The following PPP1R14A variants were observed in gnomAD, a reference collection of about 807,000 sequenced individuals.
PPP1R14A encodes protein phosphatase 1 regulatory inhibitor subunit 14A.
A neutral mutation model predicts 14.1 loss-of-function variants in PPP1R14A; 9 were observed. The ratio of observed to expected loss-of-function variants is 0.64; its 90% CI spans 0.38 to 1.11. The LOEUF (loss-of-function observed/expected upper bound fraction) is 1.11, where lower values mean the gene tolerates loss of function less well. Among genes scored for constraint, PPP1R14A ranks in the 50% most tolerant of loss-of-function variants. The pLI is 0.01. For synonymous variants in PPP1R14A, 93 were observed against 88.7 expected, an observed-to-expected ratio of 1.05 and a Z score of -0.27; for missense variants, 208 against 200.7, an observed-to-expected ratio of 1.04 and a Z score of -0.22.
At chr19:38,255,839 C>T (rs1227451696) in intron 1 of PPP1R14A, among the ~76,000 whole-genome samples, 1 of 152,056 alleles carries the variant, frequency 6.6e-6, no homozygotes, top group Non-Finnish European at 1.5e-5. Flanking sequence ...CCAGACGTGG[C>T]GGTTTCAGCT....
Position 38,252,300 on chromosome 19 carries a change from AC to A in PPP1R14A, c.315+5del. Reference sequence around the variant, plus strand: ...ACAGGGAGAGAATGAGGGAGAGAAAACTCACCTCGACAGGTTTCCCACATGA... The same window carrying A: ...ACAGGGAGAGAATGAGGGAGAGAAAATCACCTCGACAGGTTTCCCACATGA... On this transcript the variant is annotated splice_donor_5th_base_variant and intron_variant, in intron 3 of 3. Transcript: ENST00000301242. The surrounding 1 kb of genome is among the most constrained non-coding windows in gnomAD (Gnocchi z 4.1). The A allele has an allele frequency of 6.2e-7, 1 of 1,610,938 alleles. No homozygotes were observed. Among genetic ancestry groups the A allele is most frequent in the Non-Finnish European group, 8.5e-7 (1 of 1,178,772 alleles).
Position 38,256,368 on chromosome 19 carries a change from G to T in PPP1R14A, c.-29C>A. On this transcript the variant is annotated 5_prime_UTR_variant, in exon 1 of 4. Transcript: ENST00000301242. This position sits in a 1 kb window ranked among gnomAD's most constrained non-coding sequence, Gnocchi z 5.7. The stretch of plus-strand genomic sequence containing the variant: ...GCTGCTGGACCCAGCCTGGCCCCGC[G>T]CTGTGCGCCTTCGCCTCGCGCCCCG... 1 of 1,394,360 alleles carries T rather than the reference G, an allele frequency of 7.2e-7. No individual in the cohort carries two copies. Among genetic ancestry groups the T allele is most frequent in the Non-Finnish European group, 9.2e-7 (1 of 1,081,586 alleles). 86.4% of individuals were successfully genotyped at this position (1,394,360 alleles called of 1,614,324 possible).
At chr19:38,254,870 C>T (rs568776960) in intron 1 of PPP1R14A, among the ~76,000 whole-genome samples, 11 of 148,644 alleles carry the variant, frequency 7.4e-5, no homozygotes, top group South Asian at 4.3e-4. Flanking sequence ...CTCGGCTCAC[C>T]GCAACCTCCT....
At position 38,256,119 on chromosome 19, in the gene PPP1R14A, C is replaced by T; in HGVS notation, c.201+20G>A. The T allele has an allele frequency of 2.0e-6, 3 of 1,533,208 alleles. No homozygotes were observed. The highest frequency in any genetic ancestry group is 1.7e-6 in the Non-Finnish European group (2 of 1,144,610). The allele number at this position is 1,533,208 out of a possible 1,614,324, so 95.0% of individuals were successfully genotyped here. The stretch of plus-strand genomic sequence containing the variant: ...GGCTCTATCTGTCCCCGACCACCCC[C>T]GAGCCCTCCCCGGGCTCACCATGCC... On this transcript the variant is annotated intron_variant, in intron 1 of 3. Transcript: ENST00000301242. The surrounding 1 kb of genome is among the most constrained non-coding windows in gnomAD (Gnocchi z 5.7).
intron 1 of PPP1R14A, among the ~76,000 whole-genome samples, chr19:38,253,955 T>C (rs1329424375): frequency 2.6e-5 from 4 of 152,172 alleles, no homozygotes; most frequent in Admixed American, 2.6e-4. Flanking sequence ...GTGTGACACA[T>C]CAGCATGTGT....
At chr19:38,255,344 G>T (rs1968235069) in intron 1 of PPP1R14A, among the ~76,000 whole-genome samples, 1 of 152,154 alleles carries the variant, frequency 6.6e-6, no homozygotes. Flanking sequence ...GCCCAGGCTG[G>T]TGTTGAACTC....
intron 1 of PPP1R14A, among the ~76,000 whole-genome samples, chr19:38,255,416 A>T (rs1411799628): frequency 6.6e-6 from 1 of 152,154 alleles, no homozygotes; most frequent in Non-Finnish European, 1.5e-5. Flanking sequence ...GTGCTGGGCC[A>T]ATTTCTGTTG....
intron 1 of PPP1R14A, among the ~76,000 whole-genome samples, chr19:38,255,538 T>C (rs1030076817): frequency 4.6e-5 from 7 of 152,040 alleles, no homozygotes; most frequent in African/African-American, 1.7e-4. Context: ...TCCAGTGGGG[T>C]TGTGCTGTGT....
At chr19:38,254,520 G>C (rs1451630781) in intron 1 of PPP1R14A, among the ~76,000 whole-genome samples, 2 of 152,110 alleles carry the variant, frequency 1.3e-5, no homozygotes, top group Admixed American at 6.6e-5. Context: ...GGCCAGGCTA[G>C]TCTCGTACTC....
rs1473194232 is a variant in PPP1R14A at position 38,251,451 on chromosome 19, G to A, written c.316-5C>T. On this transcript the variant is annotated splice_polypyrimidine_tract_variant and splice_region_variant and intron_variant, in intron 3 of 3. Transcript: ENST00000301242. ...CAGCAGCTCCTGGATGAAGTCCTGA[G>A]ACAGGGTGGGGGAGCTGAGAACATG... The A allele has an allele frequency of 6.4e-6, 10 of 1,565,410 alleles. No homozygotes were observed. The highest frequency in any genetic ancestry group is 1.9e-5 in the Admixed American group (1 of 52,180).
In PPP1R14A at chr19:38,251,304, A is replaced by C; in HGVS notation, c.*14T>G. ...GCTGGGCGGCGTCCGGGGGGCAGGGAGAGTGCAAGAGGGTCAGGGGTGAGC... is the reference window on the plus strand; with the variant it reads ...GCTGGGCGGCGTCCGGGGGGCAGGGCGAGTGCAAGAGGGTCAGGGGTGAGC... On this transcript the variant is annotated 3_prime_UTR_variant, in exon 4 of 4. Transcript: ENST00000301242. 6.8e-7 allele frequency: 1 copy of C among 1,460,620 alleles called. No individual in the cohort carries two copies. The allele number at this position is 1,460,620 out of a possible 1,614,324, so 90.5% of individuals were successfully genotyped here. A position where few individuals can be genotyped will look rare whatever the true frequency, so the allele number is the denominator to read the frequency against.
At position 38,256,075 on chromosome 19, in the gene PPP1R14A, CGTGGG is replaced by C. The variant is rs2146257340; in HGVS notation, c.201+59_201+63del. The stretch of plus-strand genomic sequence containing the variant: ...CGAGTGTGCACCGAGACCCCAAGGG[CGTGGG>C]GTCTCCGCGCCCGGGCTCTATCTGT... On this transcript the variant is annotated intron_variant, in intron 1 of 3. Coordinates refer to ENST00000301242, the MANE Select transcript of PPP1R14A (RefSeq NM_033256.3). The surrounding 1 kb of genome is among the most constrained non-coding windows in gnomAD (Gnocchi z 5.7). 1 of 1,421,104 alleles carries C rather than the reference CGTGGG, an allele frequency of 7.0e-7. No individual in the cohort carries two copies. Among genetic ancestry groups the C allele is most frequent in the South Asian group, 1.3e-5 (1 of 74,866 alleles). 88.0% of individuals were successfully genotyped at this position (1,421,104 alleles called of 1,614,324 possible).
intron 3 of PPP1R14A, 138 bp from the exon 4 acceptor site, chr19:38,251,584 A>G: frequency 1.7e-6 from 1 of 582,922 alleles, no homozygotes; most frequent in Non-Finnish European, 2.8e-6. Flanking sequence ...CGGAGGCTAT[A>G]GACATAGAGA....
In PPP1R14A at chr19:38,256,299, AGCTTGCTCAGCACGC is replaced by A. The variant is rs1240258502; in HGVS notation, c.26_40del (p.Arg9_Lys13del). 2 of 1,533,504 alleles carry A rather than the reference AGCTTGCTCAGCACGC, an allele frequency of 1.3e-6. No individual in the cohort carries two copies. The highest frequency in any genetic ancestry group is 2.8e-5 in the African/African-American group (2 of 72,582). The allele number at this position is 1,533,504 out of a possible 1,614,324, so 95.0% of individuals were successfully genotyped here. A position where few individuals can be genotyped will look rare whatever the true frequency, so the allele number is the denominator to read the frequency against. On this transcript the variant is annotated inframe_deletion, in exon 1 of 4. Transcript: ENST00000301242. This position sits in a 1 kb window ranked among gnomAD's most constrained non-coding sequence, Gnocchi z 5.7. ...CCCGCGGGCCCGCGATGGAGACTGC[AGCTTGCTCAGCACGC>A]GCTTGCCCAGCCGCTGAGCTGCCAT...
chr19:38,254,780 C>G (rs1387424186), intron 1 of PPP1R14A, among the ~76,000 whole-genome samples: 1 of 152,136 alleles, frequency 6.6e-6, no homozygotes, highest in African/African-American at 2.4e-5. Context: ...GTTCCTATAG[C>G]TTACAGTTTT....
chr19:38,252,375 A>G lies in PPP1R14A; in HGVS notation c.283-37T>C. The G allele has an allele frequency of 1.2e-6, 2 of 1,604,544 alleles. No individual in the cohort carries two copies. The highest frequency in any genetic ancestry group is 1.7e-6 in the Non-Finnish European group (2 of 1,173,586). On this transcript the variant is annotated intron_variant, in intron 2 of 3. Transcript: ENST00000301242. This position sits in a 1 kb window ranked among gnomAD's most constrained non-coding sequence, Gnocchi z 4.1. ...AACCAAGAACAAAACAAAACAGTAAATGACTAACACCTACTCCCCTCCAGC... is the reference window on the plus strand; with the variant it reads ...AACCAAGAACAAAACAAAACAGTAAGTGACTAACACCTACTCCCCTCCAGC...
At chr19:38,253,118 C>A (rs1226323679) in intron 1 of PPP1R14A, 144 bp from the exon 2 acceptor site, 4 of 633,270 alleles carry the variant, frequency 6.3e-6, no homozygotes, top group Non-Finnish European at 8.4e-6. Context: ...ACAGCACTGC[C>A]AAGACGGGAC....
At position 38,252,118 on chromosome 19, in the gene PPP1R14A, G is replaced by C. The variant is rs899983286; in HGVS notation, c.315+188C>G. 1.6e-6 allele frequency: 1 copy of C among 617,550 alleles called. No homozygotes were observed. The highest frequency in any genetic ancestry group is 2.9e-6 in the Non-Finnish European group (1 of 347,974). The allele number at this position is 617,550 out of a possible 1,614,324, so 38.3% of individuals were successfully genotyped here. A position where few individuals can be genotyped will look rare whatever the true frequency, so the allele number is the denominator to read the frequency against. ...GCCCCCTCAGCAGATGGGGGAGAGAGGGAGAGAGACAAGTAGGAGGACAAA... is the reference window on the plus strand; with the variant it reads ...GCCCCCTCAGCAGATGGGGGAGAGACGGAGAGAGACAAGTAGGAGGACAAA... On this transcript the variant is annotated intron_variant, in intron 3 of 3. Transcript: ENST00000301242. This position sits in a 1 kb window ranked among gnomAD's most constrained non-coding sequence, Gnocchi z 4.1.
Position 38,256,052 on chromosome 19 carries a change from A to T in PPP1R14A, c.201+87T>A. 3 of 1,208,522 alleles carry T rather than the reference A, an allele frequency of 2.5e-6. No homozygotes were observed. The South Asian group carries it at 4.5e-5, about 18-fold the overall frequency. The allele number at this position is 1,208,522 out of a possible 1,614,324, so 74.9% of individuals were successfully genotyped here. ...AGACCAGGCTGGCCGTGCACCAGCG[A>T]GTGTGCACCGAGACCCCAAGGGCGT... On this transcript the variant is annotated intron_variant, in intron 1 of 3. Coordinates refer to ENST00000301242, the MANE Select transcript of PPP1R14A (RefSeq NM_033256.3). This position sits in a 1 kb window ranked among gnomAD's most constrained non-coding sequence, Gnocchi z 5.7.
Sources: allele counts gnomAD v4.1 joint callset (sites outside exome capture counted in the v4.1 genomes callset), GRCh38; gene constraint gnomAD v4.1.1; non-coding constraint Gnocchi (gnomAD v3.1); transcripts MANE v1.5; gene names NCBI Gene and HGNC (gene_info 2026-07-23, HGNC 2026-07-21).